Variants in GRHL2 observed in about 807,000 individuals in gnomAD.
GRHL2 encodes the protein grainyhead like transcription factor 2.
In GRHL2, 21 loss-of-function variants were observed where a neutral mutation model predicts 83.8. That is an observed-to-expected ratio of 0.25 (90% confidence interval 0.18 to 0.36). GRHL2 has a LOEUF of 0.36. GRHL2 is among the 10% of genes least tolerant of loss of function. The pLI is 1.00. For synonymous variants in GRHL2, 280 were observed against 278.9 expected (o/e 1.00, Z -0.04); for missense variants, 623 against 781.8 (o/e 0.80, Z 2.42).
rs1194996714 is a variant in GRHL2 at position 101,663,861 on chromosome 8, T to C, written c.1699-593T>C. On this transcript the variant is annotated intron_variant, in intron 14 of 15. Coordinates refer to ENST00000646743, the MANE Select transcript of GRHL2 (RefSeq NM_024915.4). The stretch of plus-strand genomic sequence containing the variant: ...TTAGTTCCATGTCTGTCATTTCTGT[T>C]GCAAAAATGTTTCCCAGTGTATTTT... 2.0e-5 allele frequency among the ~76,000 whole-genome samples: 3 copies of C among 151,986 alleles called. No individual in the cohort carries two copies. The East Asian group carries it at 5.8e-4, about 29-fold the overall frequency.
Position 101,650,241 on chromosome 8 carries a change from GCTAAATGTTAAA to G in GRHL2, c.1698+746_1698+757del, listed in dbSNP as rs1177446341. On this transcript the variant is annotated intron_variant, in intron 14 of 15. Transcript: ENST00000646743. ...TTGGAGCAGCATCTTGGGTTATGAAGCTAAATGTTAAACTATATGGGATAGTTCCTGTAAGTG... is the reference window on the plus strand; with the variant it reads ...TTGGAGCAGCATCTTGGGTTATGAAGCTATATGGGATAGTTCCTGTAAGTG... 2.0e-5 allele frequency among the ~76,000 whole-genome samples: 3 copies of G among 152,300 alleles called. No homozygotes were observed. In the East Asian group the frequency reaches 5.8e-4, roughly 29 times the overall value.
At chr8:101,551,587 T>C (rs1811380472) in intron 2 of GRHL2, among the ~76,000 whole-genome samples, 1 of 151,120 alleles carries the variant, frequency 6.6e-6, no homozygotes, top group Non-Finnish European at 1.5e-5. Flanking sequence ...TGCAAAGGAG[T>C]TTGGCTAGAA....
At chr8:101,671,334 G>T (rs1814204308), downstream of GRHL2, among the ~76,000 whole-genome samples, 1 of 152,172 alleles carries the variant, frequency 6.6e-6, no homozygotes, top group Non-Finnish European at 1.5e-5. Flanking sequence ...TTTCCAATGG[G>T]CTTAAAAAAT....
In GRHL2 at chr8:101,657,606, C is replaced by T. The variant is rs566892465; in HGVS notation, c.1699-6848C>T. ...CTGTAATCCCAGCACTCTGGGAGGC[C>T]GAGACGGGTGGATCACGAGGTCAGG... On this transcript the variant is annotated intron_variant, in intron 14 of 15. Coordinates refer to ENST00000646743, the MANE Select transcript of GRHL2 (RefSeq NM_024915.4). Among the ~76,000 whole-genome samples the T allele has an allele frequency of 2.0e-3, 304 of 152,158 alleles. 2 individuals carry two copies. The highest frequency in any genetic ancestry group is 6.5e-3 in the African/African-American group (269 of 41,524).
chr8:101,613,610 A>G (rs188870777), intron 8 of GRHL2, among the ~76,000 whole-genome samples: 2 of 151,242 alleles, frequency 1.3e-5, no homozygotes, highest in East Asian at 3.9e-4. Flanking sequence ...TTGGCATTGC[A>G]TCTGCACACA....
rs112434015 is a variant in GRHL2, at chr8:101,560,347, T to C, written c.678+1535T>C. On this transcript the variant is annotated intron_variant, in intron 4 of 15. Coordinates refer to ENST00000646743, the MANE Select transcript of GRHL2 (RefSeq NM_024915.4). ...CCAGCCTTGTTGCTTGTTTTAGTAGTTGTTTTTTAAAGTTGCTGAGTAGTA... is the reference window on the plus strand; with the variant it reads ...CCAGCCTTGTTGCTTGTTTTAGTAGCTGTTTTTTAAAGTTGCTGAGTAGTA... Among the ~76,000 whole-genome samples the C allele has an allele frequency of 2.6e-4, 39 of 152,320 alleles. 1 individual carries two copies. The highest frequency in any genetic ancestry group is 9.4e-4 in the African/African-American group (39 of 41,558).
chr8:101,506,703 T>G (rs1195322837), intron 1 of GRHL2, among the ~76,000 whole-genome samples: 7 of 152,184 alleles, frequency 4.6e-5, no homozygotes, highest in Non-Finnish European at 8.8e-5. Context: ...TATTTTTAGG[T>G]CATTGATACA....
chr8:101,553,983 G>A (rs1020207954), intron 3 of GRHL2, among the ~76,000 whole-genome samples: 9 of 152,186 alleles, frequency 5.9e-5, no homozygotes, highest in Non-Finnish European at 8.8e-5. Flanking sequence ...CCTGCAGTGG[G>A]ATGGAGAGAA....
At chr8:101,517,936 C>T (rs902331242) in intron 1 of GRHL2, among the ~76,000 whole-genome samples, 3 of 152,138 alleles carry the variant, frequency 2.0e-5, no homozygotes, top group African/African-American at 7.2e-5. Context: ...ACAGGCAACT[C>T]GGGCTCACCA....
rs1022771969 is a variant in GRHL2, at chr8:101,666,938, G to T, written c.*235G>T. ...CCCCTCAGGAAGGTGCCTTAGGCCTGTTGGATTCCTATTTATTGCCCACCT... is the reference window on the plus strand; with the variant it reads ...CCCCTCAGGAAGGTGCCTTAGGCCTTTTGGATTCCTATTTATTGCCCACCT... On this transcript the variant is annotated 3_prime_UTR_variant, in exon 16 of 16. Coordinates refer to ENST00000646743, the MANE Select transcript of GRHL2 (RefSeq NM_024915.4). 3.4e-6 allele frequency: 2 copies of T among 593,966 alleles called. No homozygotes were observed. Among genetic ancestry groups the T allele is most frequent in the Non-Finnish European group, 6.0e-6 (2 of 332,666 alleles). The allele number at this position is 593,966 out of a possible 1,614,324, so 36.8% of individuals were successfully genotyped here.
At position 101,630,422 on chromosome 8, in the gene GRHL2, A is replaced by G. The variant is rs923183400; in HGVS notation, c.1258-1215A>G. On this transcript the variant is annotated intron_variant, in intron 9 of 15. Coordinates refer to ENST00000646743, the MANE Select transcript of GRHL2 (RefSeq NM_024915.4). ...GTTTTTAAAATTTGAACCATTATTT[A>G]TATATTAAGGATTTGATATTTTATG... is the stretch of plus-strand genomic sequence containing the variant. 9.9e-5 allele frequency among the ~76,000 whole-genome samples: 15 copies of G among 152,266 alleles called. 2 individuals carry two copies. The highest frequency in any genetic ancestry group is 9.2e-4 in the Admixed American group (14 of 15,286).
intron 3 of GRHL2, among the ~76,000 whole-genome samples, chr8:101,553,287 C>T (rs1811422608): frequency 6.6e-6 from 1 of 151,972 alleles, no homozygotes; most frequent in Admixed American, 6.6e-5. Context: ...CCATGGAACA[C>T]CCCTTGTCTG....
rs112650192 is a variant in GRHL2 at position 101,644,417 on chromosome 8, C to T, written c.1612+192C>T. Among the ~76,000 whole-genome samples the T allele has an allele frequency of 0.028, 4,202 of 152,284 alleles. 147 individuals carry two copies. The highest frequency in any genetic ancestry group is 0.082 in the African/African-American group (3,399 of 41,544). On this transcript the variant is annotated intron_variant, in intron 13 of 15. Transcript: ENST00000646743. ...TTCAACACCTTAAGAAAACATTTGT[C>T]ATTCCTGGGTGCTGGTTCTTTCCTT...
chr8:101,594,079 AAAAAAAAAAAAAAAAAAAAG>A, intron 7 of GRHL2, among the ~76,000 whole-genome samples: 1 of 136,732 alleles, frequency 7.3e-6, no homozygotes, highest in African/African-American at 2.9e-5. Context: ...CAAAAAAAAA[AAAAAAAAAAAAAAAAAAAAG>A]AGAGAGATAG....
intron 1 of GRHL2, among the ~76,000 whole-genome samples, chr8:101,542,358 C>T (rs1332402743): frequency 6.6e-6 from 1 of 151,984 alleles, no homozygotes; most frequent in Admixed American, 6.6e-5. Flanking sequence ...CATGGATCAC[C>T]TGAGGTCAGG....
chr8:101,506,342 A>G (rs1385627818), intron 1 of GRHL2, among the ~76,000 whole-genome samples: 1 of 152,228 alleles, frequency 6.6e-6, no homozygotes, highest in African/African-American at 2.4e-5. Flanking sequence ...AAGAAAAATC[A>G]CTCATAATTC....
intron 12 of GRHL2, 84 bp downstream of exon 12, chr8:101,637,012 G>A: frequency 1.6e-6 from 2 of 1,236,814 alleles, no homozygotes; most frequent in Non-Finnish European, 2.4e-6. Flanking sequence ...GGTAACCCTA[G>A]GCAGGAAGTG....
intron 9 of GRHL2, among the ~76,000 whole-genome samples, chr8:101,630,109 A>G (rs912660312): frequency 3.3e-5 from 5 of 152,184 alleles, no homozygotes; most frequent in African/African-American, 1.2e-4. Flanking sequence ...TATTATGTAA[A>G]GCTCTTAGAA....
chr8:101,552,059 C>T (rs986015565), intron 2 of GRHL2, among the ~76,000 whole-genome samples: 9 of 151,946 alleles, frequency 5.9e-5, no homozygotes, highest in South Asian at 2.1e-4. Context: ...ATGGTCTCTA[C>T]CTCCTGACCT....
Sources: gnomAD v4.1 joint callset for allele counts (sites outside exome capture counted in the v4.1 genomes callset) on GRCh38, gnomAD v4.1.1 for gene constraint, MANE v1.5 for transcripts, NCBI Gene and HGNC (gene_info 2026-07-23, HGNC 2026-07-21) for gene names.